ANKRD12: variants seen among roughly 807,000 people sequenced by gnomAD.
ANKRD12 encodes ankyrin repeat domain-containing protein 12.
Under a neutral mutation model 183.4 loss-of-function variants are expected in ANKRD12, and 85 were observed. That is an observed-to-expected ratio of 0.46 (90% CI 0.39 to 0.56). The LOEUF is 0.56. Among genes scored for constraint, ANKRD12 ranks in the 20% least tolerant of loss-of-function variants. The pLI is 0.00. For synonymous variants in ANKRD12, 914 were observed against 800.2 expected, an observed-to-expected ratio of 1.14 and a Z score of -2.40; for missense variants, 2,405 against 2,357.1, an observed-to-expected ratio of 1.02 and a Z score of -0.42.
In ANKRD12 at chr18:9,200,103, G is replaced by A. The variant is rs115318061; in HGVS notation, c.236-4373G>A. On this transcript the variant is annotated intron_variant, in intron 3 of 12. Coordinates refer to ENST00000262126, the MANE Select transcript of ANKRD12 (RefSeq NM_015208.5). Reference sequence around the variant, plus strand: ...GAGAGATTCCTAGCCTTCATTTTGCGAGATATCGTAGTGTGTCTTAAACTT... The same window carrying A: ...GAGAGATTCCTAGCCTTCATTTTGCAAGATATCGTAGTGTGTCTTAAACTT... Among the ~76,000 whole-genome samples the A allele has an allele frequency of 2.2e-3, 330 of 152,210 alleles. 2 individuals are homozygous for A. The highest frequency in any genetic ancestry group is 7.7e-3 in the African/African-American group (319 of 41,546).
intron 1 of ANKRD12, among the ~76,000 whole-genome samples, chr18:9,158,951 A>T (rs2031001743): frequency 6.6e-6 from 1 of 152,048 alleles, no homozygotes; most frequent in Non-Finnish European, 1.5e-5. Flanking sequence ...TCTGTTTTTC[A>T]ATTTTTTTCT....
At chr18:9,232,919 G>A (rs1237165049) in intron 8 of ANKRD12, among the ~76,000 whole-genome samples, 12 of 151,428 alleles carry the variant, frequency 7.9e-5, no homozygotes, top group Non-Finnish European at 1.0e-4. Flanking sequence ...GTGTGATCTC[G>A]GCTCACTACA....
At chr18:9,202,909 C>T (rs1356958917) in intron 3 of ANKRD12, among the ~76,000 whole-genome samples, 2 of 152,156 alleles carry the variant, frequency 1.3e-5, no homozygotes, top group Admixed American at 1.3e-4. Flanking sequence ...TGGTTGCTTA[C>T]TTCCAAAGGA....
chr18:9,262,690 GGTCTCAAGCAATCCTCCTA>G (rs1473002064), intron 9 of ANKRD12, among the ~76,000 whole-genome samples: 9 of 150,524 alleles, frequency 6.0e-5, no homozygotes, highest in South Asian at 2.1e-4. Context: ...TCAAACTCCT[GGTCTCAAGCAATCCTCCTA>G]GTCTCAAGCA....
At chr18:9,259,386 A>AACACATTCACGTGTTTAACATAG (rs2038832542) in intron 9 of ANKRD12, 1 of 153,674 alleles carries the variant, frequency 6.5e-6, no homozygotes, top group Non-Finnish European at 1.4e-5. Flanking sequence ...TAACAACATA[A>AACACATTCACGTGTTTAACATAG]ACACATTTAT....
intron 1 of ANKRD12, among the ~76,000 whole-genome samples, chr18:9,170,710 A>G (rs2032619672): frequency 6.6e-6 from 1 of 152,006 alleles, no homozygotes; most frequent in Non-Finnish European, 1.5e-5. Context: ...CAACTTTTCA[A>G]AGTCATTCTC....
chr18:9,182,499 G>C lies in ANKRD12; in HGVS notation c.67G>C (p.Glu23Gln). 2 of 1,608,190 alleles carry C rather than the reference G, an allele frequency of 1.2e-6. No individual in the cohort carries two copies. Among genetic ancestry groups the C allele is most frequent in the Non-Finnish European group, 1.7e-6 (2 of 1,176,988 alleles). Reference protein sequence around the residue: ...ENSDSDSNMVEKPYGRKSKDK... With the variant: ...ENSDSDSNMVQKPYGRKSKDK... ...TTCTGACAGTGACAGCAATATGGTA[G>C]AGAAACCATATGGAAGAAAGGTATA... is the stretch of plus-strand genomic sequence containing the variant. Residue 23 changes from glutamate (E) to glutamine (Q), a missense_variant, in exon 2 of 13, where the codon GAG becomes CAG. By Grantham distance (29) the Glu-to-Gln change is conservative (BLOSUM62 2). Transcript: ENST00000262126.
At chr18:9,183,152 A>G (rs1180825046) in intron 2 of ANKRD12, among the ~76,000 whole-genome samples, 2 of 152,048 alleles carry the variant, frequency 1.3e-5, no homozygotes, top group Non-Finnish European at 2.9e-5. Context: ...CCTCCAGGCA[A>G]CCCCATATCT....
chr18:9,263,392 A>G (rs1307465788), intron 9 of ANKRD12, among the ~76,000 whole-genome samples: 2 of 104,488 alleles, frequency 1.9e-5, no homozygotes, highest in Non-Finnish European at 4.8e-5. Flanking sequence ...GTCTGCAGAC[A>G]GACCTCACTA....
At chr18:9,199,602 A>G (rs2035050821) in intron 3 of ANKRD12, among the ~76,000 whole-genome samples, 1 of 152,224 alleles carries the variant, frequency 6.6e-6, no homozygotes, top group East Asian at 1.9e-4. Context: ...TATTATCTAA[A>G]CAAGTATATA....
Position 9,255,319 on chromosome 18 carries a change from A to G in ANKRD12, c.2052A>G (p.Glu684=). 1 of 1,594,726 alleles carries G rather than the reference A, an allele frequency of 6.3e-7. No homozygotes were observed. Among genetic ancestry groups the G allele is most frequent in the South Asian group, 1.2e-5 (1 of 85,890 alleles). ...EKYKTKDSAK[E]LQRSVEFDRE... ...ACAAAACTAAGGATAGTGCCAAAGA[A>G]CTGCAGAGGAGTGTGGAATTTGATA... Residue 684 remains glutamate (E), a synonymous_variant, in exon 9 of 13, where the codon GAA becomes GAG. Coordinates refer to ENST00000262126, the MANE Select transcript of ANKRD12 (RefSeq NM_015208.5).
intron 8 of ANKRD12, among the ~76,000 whole-genome samples, chr18:9,230,852 G>A (rs142605320): frequency 0.01 from 1,561 of 151,496 alleles, 21 homozygotes; most frequent in African/African-American, 0.036. Context: ...TTTTTTAGTA[G>A]AGATGGGGTT....
chr18:9,263,071 C>T (rs1281945940), intron 9 of ANKRD12, among the ~76,000 whole-genome samples: 4 of 152,146 alleles, frequency 2.6e-5, no homozygotes, highest in African/African-American at 7.2e-5. Context: ...GCTGGGATTA[C>T]AGGTGTGGAC....
At position 9,255,460 on chromosome 18, in the gene ANKRD12, AGAT is replaced by A. The variant is rs769943048; in HGVS notation, c.2197_2199del (p.Asp733del). The A allele has an allele frequency of 1.3e-6, 2 of 1,574,280 alleles. No homozygotes were observed. Among genetic ancestry groups the A allele is most frequent in the Non-Finnish European group, 1.7e-6 (2 of 1,168,698 alleles). Reference sequence around the variant, plus strand: ...AATCAAAATTGGAAAAAAACATCAAAGATGATAAATCAACCAAGGAAAAGCATG... The same window carrying A: ...AATCAAAATTGGAAAAAAACATCAAAGATAAATCAACCAAGGAAAAGCATG... On this transcript the variant is annotated inframe_deletion, in exon 9 of 13. Transcript: ENST00000262126.
At chr18:9,250,912 T>C (rs2038254118) in intron 8 of ANKRD12, among the ~76,000 whole-genome samples, 1 of 152,208 alleles carries the variant, frequency 6.6e-6, no homozygotes, top group Non-Finnish European at 1.5e-5. Flanking sequence ...ATGAGTTGAA[T>C]GTTTTTAGTC....
intron 1 of ANKRD12, among the ~76,000 whole-genome samples, chr18:9,154,964 C>G (rs923706655): frequency 1.3e-5 from 2 of 152,068 alleles, no homozygotes; most frequent in African/African-American, 4.8e-5. Context: ...ACTAGAAATA[C>G]AGAGTTGGAA....
Position 9,256,676 on chromosome 18 carries a change from G to C in ANKRD12, c.3409G>C (p.Glu1137Gln), listed in dbSNP as rs1264407476. 6.2e-7 allele frequency: 1 copy of C among 1,605,404 alleles called. No homozygotes were observed. Among genetic ancestry groups the C allele is most frequent in the Non-Finnish European group, 8.5e-7 (1 of 1,178,010 alleles). The change falls in exon 9 of 13, where the codon GAA becomes CAA. Residue 1137 changes from glutamate (E) to glutamine (Q), a missense_variant. Glu to Gln is a conservative substitution (Grantham distance 29). This residue lies in a region of ANKRD12 where 1,983 missense variants were observed against 1,725.9 expected (regional missense o/e 1.15). Coordinates refer to ENST00000262126, the MANE Select transcript of ANKRD12 (RefSeq NM_015208.5). Reference protein sequence around the residue: ...KHTPTESKNKELTRSKSSEVT... With the variant: ...KHTPTESKNKQLTRSKSSEVT... ...TACACCAACTGAATCCAAAAATAAA[G>C]AACTTACTAGGTCAAAGAGTTCAGA...
chr18:9,269,459 A>G (rs2039479812), intron 10 of ANKRD12, among the ~76,000 whole-genome samples: 1 of 152,226 alleles, frequency 6.6e-6, no homozygotes. Flanking sequence ...CCTCAGAAAT[A>G]GTGCCACATA....
chr18:9,189,726 C>T (rs1203908512), intron 2 of ANKRD12, among the ~76,000 whole-genome samples: 1 of 152,192 alleles, frequency 6.6e-6, no homozygotes, highest in Non-Finnish European at 1.5e-5. Flanking sequence ...CACATCTGTT[C>T]ACAGCATGGT....
Sources: allele counts gnomAD v4.1 joint callset (sites outside exome capture counted in the v4.1 genomes callset), GRCh38; gene constraint gnomAD v4.1.1; regional missense constraint gnomAD v4.1.1; transcripts MANE v1.5; gene names NCBI Gene and HGNC (gene_info 2026-07-23, HGNC 2026-07-21).